The following ARHGAP24 variants were observed in gnomAD, a reference collection of about 807,000 sequenced individuals.
ARHGAP24 encodes rho GTPase-activating protein 24.
ARHGAP24 carries 50 observed loss-of-function variants against 76.4 expected under a neutral mutation model. The observed-to-expected ratio is 0.65, with a 90% confidence interval of 0.52 to 0.83. ARHGAP24 has a LOEUF of 0.83. ARHGAP24 is among the 40% of genes least tolerant of loss of function. The pLI, the probability that ARHGAP24 is intolerant of heterozygous loss-of-function variation, is 0.00. For missense variants in ARHGAP24, 930 were observed against 914.2 expected, an observed-to-expected ratio of 1.02 and a Z score of -0.22; for synonymous variants, 345 against 323.3, an observed-to-expected ratio of 1.07 and a Z score of -0.72.
rs1416693700 is a variant in ARHGAP24 at position 85,487,771 on chromosome 4, T to A, written c.-21+12212T>A. On this transcript the variant is annotated intron_variant, in intron 1 of 9. Coordinates refer to ENST00000395184, the MANE Select transcript of ARHGAP24 (RefSeq NM_001025616.3). ...TATATTTATTATATATTATATAATA[T>A]ATATTTATTATATATTATATAAATA... 2.8e-5 allele frequency among the ~76,000 whole-genome samples: 3 copies of A among 108,000 alleles called. No individual in the cohort carries two copies. The South Asian group carries it at 7.2e-4, about 26-fold the overall frequency. 70.9% of individuals were successfully genotyped at this position (108,000 alleles called of 152,430 possible). A position where few individuals can be genotyped will look rare whatever the true frequency, so the allele number is the denominator to read the frequency against.
chr4:85,914,038 C>A (rs1054664383), intron 3 of ARHGAP24, among the ~76,000 whole-genome samples: 2 of 152,274 alleles, frequency 1.3e-5, no homozygotes, highest in Admixed American at 1.3e-4. Flanking sequence ...AGTATGGTAT[C>A]TTCAATACAT....
intron 3 of ARHGAP24, among the ~76,000 whole-genome samples, chr4:85,773,910 G>C (rs533872163): frequency 6.6e-6 from 1 of 152,110 alleles, no homozygotes; most frequent in African/African-American, 2.4e-5. Context: ...TGAAATAAAT[G>C]CCACTTATAT....
At chr4:85,979,659 T>C (rs1739538558) in intron 8 of ARHGAP24, among the ~76,000 whole-genome samples, 1 of 152,210 alleles carries the variant, frequency 6.6e-6, no homozygotes, top group South Asian at 2.1e-4. Context: ...AAATTAATAA[T>C]TTGAACACTT....
chr4:85,858,213 G>A (rs1327515606), intron 3 of ARHGAP24, among the ~76,000 whole-genome samples: 1 of 152,142 alleles, frequency 6.6e-6, no homozygotes, highest in Non-Finnish European at 1.5e-5. Context: ...TTAGAGGTGT[G>A]AGAGAAACAA....
intron 3 of ARHGAP24, among the ~76,000 whole-genome samples, chr4:85,728,190 A>G (rs1725240418): frequency 1.3e-5 from 2 of 149,244 alleles, no homozygotes; most frequent in Admixed American, 1.3e-4. Context: ...GTTAGAGGAC[A>G]TGGGTGCCTA....
In ARHGAP24 at chr4:86,000,770, G is replaced by A. The variant is rs760967991; in HGVS notation, c.*48G>A. 2.5e-6 allele frequency: 4 copies of A among 1,611,710 alleles called. No homozygotes were observed. Among genetic ancestry groups the A allele is most frequent in the East Asian group, 2.2e-5 (1 of 44,760 alleles). On this transcript the variant is annotated 3_prime_UTR_variant, in exon 10 of 10. Transcript: ENST00000395184. ...TGATGGCTCTGGCAAGGACTCCAGG[G>A]ATTCTGGTGGGATATGACTTAGAAC...
At chr4:85,956,364 C>CT (rs990201833) in intron 5 of ARHGAP24, among the ~76,000 whole-genome samples, 1 of 152,182 alleles carries the variant, frequency 6.6e-6, no homozygotes, top group African/African-American at 2.4e-5. Context: ...TAACTATTGT[C>CT]TTTAAGTATT....
intron 3 of ARHGAP24, among the ~76,000 whole-genome samples, chr4:85,843,249 A>C (rs754974322): frequency 6.6e-6 from 1 of 152,142 alleles, no homozygotes; most frequent in Non-Finnish European, 1.5e-5. Context: ...TTGTTTCTGT[A>C]TGTCTAATAA....
In ARHGAP24 at chr4:85,948,512, A is replaced by G. The variant is rs574705417; in HGVS notation, c.599+6239A>G. ...GTAGGGGAATGGAGGAATATTTTAT[A>G]TATTTTAGGATACCTGTAAGAACAG... On this transcript the variant is annotated intron_variant, in intron 5 of 9. Coordinates refer to ENST00000395184, the MANE Select transcript of ARHGAP24 (RefSeq NM_001025616.3). Among the ~76,000 whole-genome samples the G allele has an allele frequency of 3.2e-3, 487 of 152,284 alleles. 1 individual carries two copies. Among genetic ancestry groups the G allele is most frequent in the Admixed American group, 5.6e-3 (86 of 15,286 alleles).
chr4:85,795,543 A>C (rs1002102553), intron 3 of ARHGAP24, among the ~76,000 whole-genome samples: 1 of 152,180 alleles, frequency 6.6e-6, no homozygotes, highest in Non-Finnish European at 1.5e-5. Flanking sequence ...CTCATATCCA[A>C]ATTATGGGGG....
rs141503509 is a variant in ARHGAP24 at position 85,685,880 on chromosome 4, A to G, written c.181-36005A>G. ...AATTTGTAGAAAGTTTGACAGGACA[A>G]TTTCTCTACTCCAATTGGCAGTAGC... On this transcript the variant is annotated intron_variant, in intron 2 of 9. Transcript: ENST00000395184. 1.4e-4 allele frequency among the ~76,000 whole-genome samples: 22 copies of G among 152,346 alleles called. No individual in the cohort carries two copies. The East Asian group carries it at 3.3e-3, about 23-fold the overall frequency.
chr4:85,943,080 T>C (rs1422882219), intron 5 of ARHGAP24, among the ~76,000 whole-genome samples: 1 of 152,184 alleles, frequency 6.6e-6, no homozygotes, highest in Non-Finnish European at 1.5e-5. Context: ...ACTATTTCAA[T>C]ATTGTTAGAC....
At chr4:85,910,123 C>T (rs1022561895) in intron 3 of ARHGAP24, among the ~76,000 whole-genome samples, 97 of 152,260 alleles carry the variant, frequency 6.4e-4, no homozygotes, top group African/African-American at 2.0e-3. Flanking sequence ...AGCCAGGCTG[C>T]GGCTAGACCA....
At chr4:85,737,471 G>A (rs1031643858) in intron 3 of ARHGAP24, among the ~76,000 whole-genome samples, 1 of 152,304 alleles carries the variant, frequency 6.6e-6, no homozygotes, top group Non-Finnish European at 1.5e-5. Context: ...AACTGGTTGT[G>A]GGCTCAGTCT....
At chr4:85,487,871 A>T (rs1303931604) in intron 1 of ARHGAP24, among the ~76,000 whole-genome samples, 2 of 123,720 alleles carry the variant, frequency 1.6e-5, no homozygotes, top group African/African-American at 6.4e-5. Flanking sequence ...ATATTATATA[A>T]ATATATAATA....
In ARHGAP24 at chr4:85,525,845, T is replaced by A. The variant is rs112795095; in HGVS notation, c.-20-44677T>A. Among the ~76,000 whole-genome samples the A allele has an allele frequency of 9.7e-3, 1,470 of 152,264 alleles. 13 individuals carry two copies. The highest frequency in any genetic ancestry group is 0.018 in the East Asian group (95 of 5,164). ...GAGCCACAACCTAGAGTTCTTGAAGTGTTGTCATGAATGTTCTCCTTGTTG... is the reference window on the plus strand; with the variant it reads ...GAGCCACAACCTAGAGTTCTTGAAGAGTTGTCATGAATGTTCTCCTTGTTG... On this transcript the variant is annotated intron_variant, in intron 1 of 9. Transcript: ENST00000395184.
At chr4:85,522,610 C>T (rs1229111903) in intron 1 of ARHGAP24, among the ~76,000 whole-genome samples, 2 of 152,168 alleles carry the variant, frequency 1.3e-5, no homozygotes, top group Admixed American at 1.3e-4. Context: ...CCATAAATAT[C>T]CCAACTATCT....
intron 3 of ARHGAP24, among the ~76,000 whole-genome samples, chr4:85,739,965 C>T (rs966828771): frequency 2.0e-5 from 3 of 152,162 alleles, no homozygotes; most frequent in Non-Finnish European, 4.4e-5. Context: ...CATCCCCTAT[C>T]GCCCCTTGCT....
intron 1 of ARHGAP24, among the ~76,000 whole-genome samples, chr4:85,514,898 A>C (rs917749376): frequency 5.9e-5 from 9 of 151,378 alleles, no homozygotes; most frequent in Non-Finnish European, 1.2e-4. Context: ...TGAGACAAGG[A>C]TTAAAGTGAA....
Sources: gnomAD v4.1 joint callset for allele counts (sites outside exome capture counted in the v4.1 genomes callset) on GRCh38, gnomAD v4.1.1 for gene constraint, MANE v1.5 for transcripts, NCBI Gene and HGNC (gene_info 2026-07-23, HGNC 2026-07-21) for gene names.